The following ACVR1C variants were observed in gnomAD, a reference collection of about 807,000 sequenced individuals.
The protein encoded by ACVR1C is activin A receptor type 1C.
A neutral mutation model predicts 57.9 loss-of-function variants in ACVR1C; 23 were observed. That is an observed-to-expected ratio of 0.40 (90% CI 0.29 to 0.56). ACVR1C has a LOEUF of 0.56. ACVR1C is among the 20% of genes least tolerant of loss of function. The pLI, the probability that ACVR1C is intolerant of heterozygous loss-of-function variation, is 0.50. For missense variants in ACVR1C, 480 were observed against 607.9 expected, an observed-to-expected ratio of 0.79 and a Z score of 2.21; for synonymous variants, 214 against 215.3, an observed-to-expected ratio of 0.99 and a Z score of 0.05.
rs950770042 is a variant in ACVR1C, at chr2:157,532,964, T to C, written c.*954A>G. On this transcript the variant is annotated 3_prime_UTR_variant, in exon 9 of 9. Transcript: ENST00000243349. ...ATCTTTGGAAGTGTTCAGAAAACAT[T>C]AATGCTCATTAACAAATGGGGTAAC... 4 of 152,200 alleles carry C rather than the reference T, an allele frequency of 2.6e-5. No homozygotes were observed. Among genetic ancestry groups the C allele is most frequent in the Non-Finnish European group, 5.9e-5 (4 of 68,036 alleles). The allele number at this position is 152,200 out of a possible 1,614,324, so 9.4% of individuals were successfully genotyped here.
chr2:157,625,624 G>A (rs867894504), intron 1 of ACVR1C, among the ~76,000 whole-genome samples: 4 of 150,964 alleles, frequency 2.6e-5, no homozygotes, highest in South Asian at 2.1e-4. Flanking sequence ...GCAGGGGGGT[G>A]GGGGGAAGAA....
chr2:157,624,173 C>G (rs1385773930), intron 1 of ACVR1C, among the ~76,000 whole-genome samples: 1 of 152,148 alleles, frequency 6.6e-6, no homozygotes, highest in Middle Eastern at 3.2e-3. Flanking sequence ...AGAGCAGGAA[C>G]TAAACAGCTT....
At chr2:157,623,470 T>C (rs921941499) in intron 1 of ACVR1C, among the ~76,000 whole-genome samples, 2 of 152,152 alleles carry the variant, frequency 1.3e-5, no homozygotes, top group Non-Finnish European at 2.9e-5. Flanking sequence ...TGGATGGAAG[T>C]GGAGATCATT....
chr2:157,612,730 G>C (rs937375626), intron 1 of ACVR1C, among the ~76,000 whole-genome samples: 1 of 152,194 alleles, frequency 6.6e-6, no homozygotes, highest in Non-Finnish European at 1.5e-5. Context: ...TCCCCAGAGA[G>C]TAGTACTCCA....
At chr2:157,576,120 C>T (rs1210840932) in intron 2 of ACVR1C, among the ~76,000 whole-genome samples, 1 of 151,832 alleles carries the variant, frequency 6.6e-6, no homozygotes, top group Admixed American at 6.6e-5. Flanking sequence ...ATTGGCACCC[C>T]CATTCTGAGA....
chr2:157,611,109 G>A (rs1038478669), intron 1 of ACVR1C, among the ~76,000 whole-genome samples: 2 of 152,216 alleles, frequency 1.3e-5, no homozygotes, highest in Non-Finnish European at 1.5e-5. Flanking sequence ...TGTTTCTTGT[G>A]TTCTTACATT....
Position 157,627,698 on chromosome 2 carries a change from CT to C in ACVR1C, c.73+873del, listed in dbSNP as rs1253721799. ...ACACCAGATTTTTATGTGCAAATGT[CT>C]TCAATGTCTGATAGAAATTTTTAAA... is the stretch of plus-strand genomic sequence containing the variant. On this transcript the variant is annotated intron_variant, in intron 1 of 8. Transcript: ENST00000243349. 2.0e-5 allele frequency among the ~76,000 whole-genome samples: 3 copies of C among 152,342 alleles called. No individual in the cohort carries two copies. In the East Asian group the frequency reaches 5.8e-4, roughly 29 times the overall value.
At chr2:157,556,911 C>T (rs565571300) in intron 2 of ACVR1C, among the ~76,000 whole-genome samples, 2 of 152,214 alleles carry the variant, frequency 1.3e-5, no homozygotes, top group South Asian at 2.1e-4. Context: ...GATCCACCCA[C>T]CTCAGCCTCC....
At chr2:157,595,595 T>C (rs1558991324) in intron 1 of ACVR1C, among the ~76,000 whole-genome samples, 1 of 152,188 alleles carries the variant, frequency 6.6e-6, no homozygotes, top group East Asian at 1.9e-4. Context: ...TCTTAATCTA[T>C]TGTCTCCTGC....
Position 157,528,095 on chromosome 2 carries a change from T to C in ACVR1C, c.*5823A>G, listed in dbSNP as rs1687272899. 1 of 152,192 alleles carries C rather than the reference T, an allele frequency of 6.6e-6. No individual in the cohort carries two copies. Among genetic ancestry groups the C allele is most frequent in the Non-Finnish European group, 1.5e-5 (1 of 68,036 alleles). The allele number at this position is 152,192 out of a possible 1,614,324, so 9.4% of individuals were successfully genotyped here. A position where few individuals can be genotyped will look rare whatever the true frequency, so the allele number is the denominator to read the frequency against. ...CTTTTTAATTCTCATTTTCTGAAGA[T>C]GTATAAGCCAGACCATTCTTTAAAC... On this transcript the variant is annotated 3_prime_UTR_variant, in exon 9 of 9. Coordinates refer to ENST00000243349, the MANE Select transcript of ACVR1C (RefSeq NM_145259.3).
At chr2:157,586,270 C>T (rs895109859) in intron 2 of ACVR1C, among the ~76,000 whole-genome samples, 2 of 151,782 alleles carry the variant, frequency 1.3e-5, no homozygotes, top group African/African-American at 4.8e-5. Context: ...AAATGTTTTT[C>T]AATTAAAAGG....
In ACVR1C at chr2:157,555,101, C is replaced by CTTTTTTTTT. The variant is rs60269781; in HGVS notation, c.544+983_544+991dup. On this transcript the variant is annotated intron_variant, in intron 3 of 8. Transcript: ENST00000243349. ...ATAATACAGCCTGGTACTTTGAACG[C>CTTTTTTTTT]TTTTTTTTTTTTTTTTTTTTTTTTT... is the stretch of plus-strand genomic sequence containing the variant. Among the ~76,000 whole-genome samples the CTTTTTTTTT allele has an allele frequency of 1.0e-3, 86 of 83,946 alleles. 15 individuals carry two copies. Among genetic ancestry groups the CTTTTTTTTT allele is most frequent in the African/African-American group, 4.9e-3 (82 of 16,854 alleles). 55.1% of individuals were successfully genotyped at this position (83,946 alleles called of 152,430 possible).
At chr2:157,550,876 T>C (rs1254546738) in intron 3 of ACVR1C, among the ~76,000 whole-genome samples, 10 of 152,096 alleles carry the variant, frequency 6.6e-5, no homozygotes, top group Non-Finnish European at 8.8e-5. Context: ...AATGATCATG[T>C]GAGATAATGA....
chr2:157,599,143 G>C (rs1346332543), intron 1 of ACVR1C, among the ~76,000 whole-genome samples: 1 of 151,546 alleles, frequency 6.6e-6, no homozygotes, highest in African/African-American at 2.4e-5. Flanking sequence ...GACCATCCTG[G>C]CTAACACAGT....
rs202125481 is a variant in ACVR1C, at chr2:157,541,094, G to A, written c.1221C>T (p.Val407=). 460 of 1,611,838 alleles carry A rather than the reference G, an allele frequency of 2.9e-4. 1 individual carries two copies. The South Asian group carries it at 4.4e-3, about 15-fold the overall frequency. The part of the protein sequence containing the change: ...VYWEIARRCS[V]GGIVEEYQLP... ...AGGATATTTCCAAAATTTTACCTCCGACTGAACACCTCCGGGCTATTTCCC... is the reference window on the plus strand; with the variant it reads ...AGGATATTTCCAAAATTTTACCTCCAACTGAACACCTCCGGGCTATTTCCC... Residue 407 remains valine (V), a synonymous_variant, in exon 7 of 9, where the codon GTC becomes GTT. Coordinates refer to ENST00000243349, the MANE Select transcript of ACVR1C (RefSeq NM_145259.3).
intron 8 of ACVR1C, 119 bp from the exon 9 acceptor site, chr2:157,534,162 T>C: frequency 1.1e-6 from 1 of 914,644 alleles, no homozygotes; most frequent in Non-Finnish European, 1.5e-6. Context: ...TTTTAAGAGA[T>C]GGGGTCTTGC....
At position 157,533,707 on chromosome 2, in the gene ACVR1C, T is replaced by C. The variant is rs1199320048; in HGVS notation, c.*211A>G. 5 of 314,670 alleles carry C rather than the reference T, an allele frequency of 1.6e-5. No homozygotes were observed. In the East Asian group the frequency reaches 2.6e-4, roughly 16 times the overall value. The allele number at this position is 314,670 out of a possible 1,614,324, so 19.5% of individuals were successfully genotyped here. On this transcript the variant is annotated 3_prime_UTR_variant, in exon 9 of 9. Coordinates refer to ENST00000243349, the MANE Select transcript of ACVR1C (RefSeq NM_145259.3). The stretch of plus-strand genomic sequence containing the variant: ...ATGAGTTGAGGTGTTGCTTTCAAAA[T>C]AAAATTAAACATAACATAGAGATTG...
rs988592910 is a variant in ACVR1C at position 157,545,395 on chromosome 2, G to T, written c.776-783C>A. Among the ~76,000 whole-genome samples, 74 of 152,152 alleles carry T rather than the reference G, an allele frequency of 4.9e-4. 1 individual carries two copies. Among genetic ancestry groups the T allele is most frequent in the Non-Finnish European group, 1.3e-4 (9 of 68,018 alleles). ...GATGCTGTATATATGACAGCTCTTT[G>T]TTATCCAAATATTTAATTTCCAAAT... is the stretch of plus-strand genomic sequence containing the variant. On this transcript the variant is annotated intron_variant, in intron 4 of 8. Transcript: ENST00000243349.
chr2:157,628,623 C>G lies in ACVR1C; in HGVS notation c.22G>C (p.Ala8Pro). The G allele has an allele frequency of 6.3e-7, 1 of 1,595,030 alleles. No individual in the cohort carries two copies. Among genetic ancestry groups the G allele is most frequent in the Non-Finnish European group, 8.5e-7 (1 of 1,171,944 alleles). The change falls in exon 1 of 9, where the codon GCG becomes CCG. Residue 8 changes from alanine (A) to proline (P), a missense_variant. Physicochemically the swap from Ala to Pro is conservative, Grantham distance 27 (BLOSUM62 -1). Transcript: ENST00000243349. ...AGCAGCAGGAGAGCCTGGCGGAGCGCTGAGCAGAGCGCCCGGGTCATCGCC... is the reference window on the plus strand; with the variant it reads ...AGCAGCAGGAGAGCCTGGCGGAGCGGTGAGCAGAGCGCCCGGGTCATCGCC... MTRALCSALRQALLLLAA... is the reference protein window; with the variant it reads MTRALCSPLRQALLLLAA...
Sources: allele counts gnomAD v4.1 joint callset (sites outside exome capture counted in the v4.1 genomes callset), GRCh38; gene constraint gnomAD v4.1.1; transcripts MANE v1.5; gene names NCBI Gene and HGNC (gene_info 2026-07-23, HGNC 2026-07-21).